The following PLCE1 variants were observed in gnomAD, a reference collection of about 807,000 sequenced individuals.
The protein encoded by PLCE1 is phospholipase C epsilon 1.
PLCE1 carries 119 observed loss-of-function variants against 242.8 expected under a neutral mutation model. The observed-to-expected ratio is 0.49, with a 90% confidence interval of 0.42 to 0.57. The LOEUF (loss-of-function observed/expected upper bound fraction) is 0.57. Among genes scored for constraint, PLCE1 ranks in the 20% least tolerant of loss-of-function variants. The probability of loss-of-function intolerance (pLI) is 0.00; values close to 1 mark genes in which losing one functional copy is unlikely to be tolerated. For synonymous variants in PLCE1, 945 were observed against 1,017.4 expected (o/e 0.93, Z 1.35); for missense variants, 2,441 against 2,788.8 (o/e 0.88, Z 2.81).
intron 2 of PLCE1, among the ~76,000 whole-genome samples, chr10:94,071,405 T>C (rs1388604052): frequency 6.6e-6 from 1 of 151,826 alleles, no homozygotes; most frequent in African/African-American, 2.4e-5. Context: ...TATGCACACA[T>C]CTTAAGCCTC....
chr10:94,206,985 T>C (rs1325867063), intron 4 of PLCE1, among the ~76,000 whole-genome samples: 1 of 152,260 alleles, frequency 6.6e-6, no homozygotes, highest in East Asian at 1.9e-4. Flanking sequence ...CATTGGTAAA[T>C]GCTTTAATAA....
At chr10:94,254,097 G>A in intron 9 of PLCE1, 93 bp from the exon 10 acceptor site, 1 of 878,840 alleles carries the variant, frequency 1.1e-6, no homozygotes, top group South Asian at 1.3e-5. Flanking sequence ...AGTATTGAAG[G>A]TGGGTAGGTC....
At chr10:94,249,181 C>A (rs1379357590) in intron 8 of PLCE1, among the ~76,000 whole-genome samples, 1 of 152,134 alleles carries the variant, frequency 6.6e-6, no homozygotes, top group African/African-American at 2.4e-5. Context: ...TTTATGAAGT[C>A]AGGCAACGTG....
chr10:94,114,148 C>T (rs1159647502), intron 2 of PLCE1, among the ~76,000 whole-genome samples: 5 of 152,162 alleles, frequency 3.3e-5, no homozygotes, highest in African/African-American at 4.8e-5. Context: ...GTTGCAAAGT[C>T]GCAGCCGAAG....
At chr10:94,124,440 A>G (rs2046385158) in intron 2 of PLCE1, among the ~76,000 whole-genome samples, 1 of 152,020 alleles carries the variant, frequency 6.6e-6, no homozygotes, top group South Asian at 2.1e-4. Flanking sequence ...TATGGATTAT[A>G]GAACAGTAAC....
intron 3 of PLCE1, among the ~76,000 whole-genome samples, chr10:94,137,192 C>G (rs2046808911): frequency 2.7e-5 from 4 of 150,712 alleles, no homozygotes; most frequent in African/African-American, 9.8e-5. Flanking sequence ...GACTCCATCT[C>G]AAAAAAAAAG....
chr10:94,033,096 A>C (rs1455887239), intron 2 of PLCE1, among the ~76,000 whole-genome samples: 1 of 152,106 alleles, frequency 6.6e-6, no homozygotes, highest in Non-Finnish European at 1.5e-5. Context: ...GGGAAGATGC[A>C]TGTATGTTAT....
At position 94,316,679 on chromosome 10, in the gene PLCE1, G is replaced by A; in HGVS notation, c.6265G>A (p.Glu2089Lys). ...PFQRAIGPEEEIMQILSSWFP... is the reference protein window; with the variant it reads ...PFQRAIGPEEKIMQILSSWFP... The stretch of plus-strand genomic sequence containing the variant: ...CCAGAGAGCCATTGGTCCAGAAGAG[G>A]AGATCATGCAAATTTTAAGCAGCTG... The change falls in exon 29 of 33, where the codon GAG (glutamate) becomes AAG (lysine). Residue 2089 changes from glutamate to lysine, a missense_variant. By Grantham distance (56) the Glu-to-Lys change is moderately conservative. Coordinates refer to ENST00000371380, the MANE Select transcript of PLCE1 (RefSeq NM_016341.4). The A allele has an allele frequency of 6.2e-7, 1 of 1,613,976 alleles. No individual in the cohort carries two copies. Among genetic ancestry groups the A allele is most frequent in the Non-Finnish European group, 8.5e-7 (1 of 1,179,876 alleles).
At chr10:94,289,227 G>T (rs1426118434) in intron 22 of PLCE1, among the ~76,000 whole-genome samples, 1 of 152,066 alleles carries the variant, frequency 6.6e-6, no homozygotes, top group Non-Finnish European at 1.5e-5. Flanking sequence ...ATAGTGACTG[G>T]GTAAGATGAG....
rs1247664334 is a variant in PLCE1 at position 94,254,185 on chromosome 10, C to T, written c.3280-5C>T. On this transcript the variant is annotated splice_polypyrimidine_tract_variant and splice_region_variant and intron_variant, in intron 9 of 32. Coordinates refer to ENST00000371380, the MANE Select transcript of PLCE1 (RefSeq NM_016341.4). Reference sequence around the variant, plus strand: ...TTGGAACCATCGTGAGCTTTGTGTTCCCAGGGTGAGAGTGGAGAGGTAACT... The same window carrying T: ...TTGGAACCATCGTGAGCTTTGTGTTTCCAGGGTGAGAGTGGAGAGGTAACT... The T allele has an allele frequency of 6.2e-7, 1 of 1,600,810 alleles. No homozygotes were observed. The highest frequency in any genetic ancestry group is 1.7e-5 in the Admixed American group (1 of 59,974).
intron 1 of PLCE1, among the ~76,000 whole-genome samples, chr10:94,000,184 G>A (rs1361404214): frequency 6.6e-6 from 1 of 152,212 alleles, no homozygotes; most frequent in Non-Finnish European, 1.5e-5. Flanking sequence ...TCTATTGTTA[G>A]ACAAAGAGAC....
At chr10:94,208,816 G>A (rs76443560) in intron 4 of PLCE1, among the ~76,000 whole-genome samples, 4,321 of 152,284 alleles carry the variant, frequency 0.028, 184 homozygotes, top group African/African-American at 0.092. Flanking sequence ...TGTAAATAGT[G>A]TTGACATATG....
At position 94,071,495 on chromosome 10, in the gene PLCE1, G is replaced by GTTTTTTTTTTTTTTTTTTTTTTTTTTTT. The variant is rs559496577; in HGVS notation, c.1206+39264_1206+39265insTTTTTTTTTTTTTTTTTTTTTTTTTTTT. ...GTCTGTGTGTGTGTGTTTGGTTTTCGTTTTTTTTTTTTTTTTTTTTTGAGT... is the reference window on the plus strand; with the variant it reads ...GTCTGTGTGTGTGTGTTTGGTTTTCGTTTTTTTTTTTTTTTTTTTTTTTTTTTTTTTTTTTTTTTTTTTTTTTTTGAGT... On this transcript the variant is annotated intron_variant, in intron 2 of 32. Transcript: ENST00000371380. Among the ~76,000 whole-genome samples the GTTTTTTTTTTTTTTTTTTTTTTTTTTTT allele has an allele frequency of 9.6e-5, 8 of 83,316 alleles. 2 individuals are homozygous for GTTTTTTTTTTTTTTTTTTTTTTTTTTTT. Among genetic ancestry groups the GTTTTTTTTTTTTTTTTTTTTTTTTTTTT allele is most frequent in the East Asian group, 8.8e-4 (2 of 2,284 alleles). 54.7% of individuals were successfully genotyped at this position (83,316 alleles called of 152,430 possible).
chr10:94,224,514 GC>G (rs572553003), intron 4 of PLCE1, among the ~76,000 whole-genome samples: 5 of 152,322 alleles, frequency 3.3e-5, no homozygotes, highest in African/African-American at 1.2e-4. Context: ...AGGAGCTAAA[GC>G]CATAGAGACA....
intron 9 of PLCE1, among the ~76,000 whole-genome samples, chr10:94,253,066 T>G (rs573533943): frequency 4.6e-5 from 7 of 152,152 alleles, no homozygotes; most frequent in Non-Finnish European, 8.8e-5. Flanking sequence ...ATATTAGCAC[T>G]GTGTATTATA....
chr10:94,018,427 C>T (rs771294356), intron 1 of PLCE1, among the ~76,000 whole-genome samples: 23 of 152,326 alleles, frequency 1.5e-4, no homozygotes, highest in Admixed American at 6.5e-4. Flanking sequence ...GCAAGGCCAA[C>T]CCATGACCTT....
intron 3 of PLCE1, chr10:94,138,251 T>C (rs1370632944): frequency 6.1e-6 from 2 of 329,908 alleles, no homozygotes; most frequent in African/African-American, 4.3e-5. Flanking sequence ...ATATTGACCT[T>C]GATATTCCAC....
intron 26 of PLCE1, among the ~76,000 whole-genome samples, chr10:94,308,161 C>T (rs1442029612): frequency 3.9e-5 from 6 of 152,190 alleles, no homozygotes; most frequent in Admixed American, 3.9e-4. Flanking sequence ...TGTATTATTC[C>T]ATTCTATACT....
In PLCE1 at chr10:94,246,526, G is replaced by T; in HGVS notation, c.3001G>T (p.Gly1001Ter). 1 of 1,614,082 alleles carries T rather than the reference G, an allele frequency of 6.2e-7. No homozygotes were observed. The highest frequency in any genetic ancestry group is 8.5e-7 in the Non-Finnish European group (1 of 1,179,944). Residue 1001 changes from glycine (G) to a stop codon, truncating the protein, a stop_gained, in exon 8 of 33, where the codon GGA (glycine) becomes TGA (stop). Coordinates refer to ENST00000371380, the MANE Select transcript of PLCE1 (RefSeq NM_016341.4). LOFTEE classifies it high-confidence loss of function. ...GCACACAGCTAAAATGCTCTTCAGC[G>T]GATTATTGGAACTCACTAGAGCTGT... ...PKHTAKMLFS[G>*]LLELTRAVRK...
Sources: allele counts gnomAD v4.1 joint callset (sites outside exome capture counted in the v4.1 genomes callset), GRCh38; gene constraint gnomAD v4.1.1; transcripts MANE v1.5; gene names NCBI Gene and HGNC (gene_info 2026-07-23, HGNC 2026-07-21).